The following ENOX1 variants were observed in gnomAD, a reference collection of about 807,000 sequenced individuals.
ENOX1 encodes the protein ecto-NOX disulfide-thiol exchanger 1.
Under a neutral mutation model 82.5 loss-of-function variants are expected in ENOX1, and 42 were observed. The ratio of observed to expected loss-of-function variants is 0.51; its 90% CI spans 0.40 to 0.66. The LOEUF is 0.66. ENOX1 is among the 30% of genes least tolerant of loss of function. The pLI is 0.00. For synonymous variants in ENOX1, 271 were observed against 282.2 expected (o/e 0.96, Z 0.40); for missense variants, 608 against 811.6 (o/e 0.75, Z 3.05).
At chr13:43,743,558 C>T (rs924413205) in intron 1 of ENOX1, among the ~76,000 whole-genome samples, 4 of 152,134 alleles carry the variant, frequency 2.6e-5, no homozygotes, top group African/African-American at 9.7e-5. Flanking sequence ...ACTTGAATAG[C>T]TCATACCACT....
intron 2 of ENOX1, among the ~76,000 whole-genome samples, chr13:43,567,487 C>A (rs959687410): frequency 6.6e-6 from 1 of 151,920 alleles, no homozygotes; most frequent in Non-Finnish European, 1.5e-5. Context: ...AAACTGTTTA[C>A]CAAGAGGAAC....
intron 10 of ENOX1, among the ~76,000 whole-genome samples, chr13:43,324,129 G>T (rs2047969795): frequency 6.6e-6 from 1 of 152,126 alleles, no homozygotes; most frequent in African/African-American, 2.4e-5. Flanking sequence ...ATTGGAGGTG[G>T]GTGTCACATG....
chr13:43,343,819 C>T (rs573546626), intron 9 of ENOX1, among the ~76,000 whole-genome samples: 106 of 152,194 alleles, frequency 7.0e-4, no homozygotes, highest in African/African-American at 2.5e-3. Flanking sequence ...ATGCATGATG[C>T]CACTGTGACA....
intron 9 of ENOX1, among the ~76,000 whole-genome samples, chr13:43,335,270 A>G (rs1266159908): frequency 6.6e-6 from 1 of 152,124 alleles, no homozygotes; most frequent in Non-Finnish European, 1.5e-5. Flanking sequence ...CCCAGGTACA[A>G]TTTTCTTTGG....
intron 2 of ENOX1, among the ~76,000 whole-genome samples, chr13:43,630,860 T>TACACATACACACACAC (rs2083179048): frequency 6.8e-6 from 1 of 147,708 alleles, no homozygotes; most frequent in African/African-American, 2.5e-5. Context: ...TATATATATA[T>TACACATACACACACAC]ACACACACAC....
At chr13:43,608,347 TTG>T (rs1275955147) in intron 2 of ENOX1, among the ~76,000 whole-genome samples, 2 of 152,154 alleles carry the variant, frequency 1.3e-5, no homozygotes, top group Non-Finnish European at 2.9e-5. Flanking sequence ...GTAAAAAACA[TTG>T]TGTTAGATGT....
intron 3 of ENOX1, among the ~76,000 whole-genome samples, chr13:43,425,659 C>A (rs904973706): frequency 1.3e-5 from 2 of 152,158 alleles, no homozygotes; most frequent in African/African-American, 4.8e-5. Context: ...GCACTAGAGG[C>A]ATAAGGTCTA....
intron 2 of ENOX1, among the ~76,000 whole-genome samples, chr13:43,553,897 T>C (rs2079318465): frequency 6.6e-6 from 1 of 152,132 alleles, no homozygotes; most frequent in Admixed American, 6.5e-5. Context: ...ACAGGTGTGT[T>C]GTCACCACGC....
At chr13:43,563,003 C>T (rs758680865) in intron 2 of ENOX1, among the ~76,000 whole-genome samples, 1 of 152,100 alleles carries the variant, frequency 6.6e-6, no homozygotes, top group Admixed American at 6.6e-5. Flanking sequence ...AACAAAGAAA[C>T]ATCAGATTTA....
At chr13:43,480,499 A>C (rs1282779363) in intron 3 of ENOX1, among the ~76,000 whole-genome samples, 1 of 152,238 alleles carries the variant, frequency 6.6e-6, no homozygotes, top group Non-Finnish European at 1.5e-5. Context: ...CCAAAGAGAA[A>C]AAGGATGATT....
chr13:43,376,720 T>C (rs2153571815), intron 5 of ENOX1, among the ~76,000 whole-genome samples: 1 of 152,206 alleles, frequency 6.6e-6, no homozygotes, highest in South Asian at 2.1e-4. Context: ...AGAAATCAGG[T>C]CCTATGAAGC....
intron 12 of ENOX1, among the ~76,000 whole-genome samples, chr13:43,288,497 T>C (rs2045827422): frequency 2.0e-5 from 3 of 152,190 alleles, no homozygotes; most frequent in Admixed American, 2.0e-4. Flanking sequence ...TATTTATTTT[T>C]TGAGCTTTTT....
Position 43,269,479 on chromosome 13 carries a change from C to A in ENOX1, c.1545G>T (p.Leu515=), listed in dbSNP as rs538667016. 2.9e-5 allele frequency: 47 copies of A among 1,613,522 alleles called. No homozygotes were observed. In the South Asian group the frequency reaches 4.9e-4, roughly 17 times the overall value. ...QSHTQALLKV[L]QEQLKGTKEL... is the part of the protein sequence containing the mutation. Reference sequence around the variant, plus strand: ...TGTTTCATTCACTTACTTGTTCCTGCAGGACTTTTAGTAACGCTTGTGTAT... The same window carrying A: ...TGTTTCATTCACTTACTTGTTCCTGAAGGACTTTTAGTAACGCTTGTGTAT... Residue 515 remains leucine (L), a synonymous_variant, in exon 13 of 17, where the codon CTG becomes CTT. Transcript: ENST00000690772.
At chr13:43,557,145 G>C (rs995574832) in intron 2 of ENOX1, among the ~76,000 whole-genome samples, 3 of 152,180 alleles carry the variant, frequency 2.0e-5, no homozygotes, top group African/African-American at 7.2e-5. Flanking sequence ...TCTTAAGGTA[G>C]GAAAGTTTTT....
intron 2 of ENOX1, among the ~76,000 whole-genome samples, chr13:43,500,693 T>C (rs1470164762): frequency 2.0e-5 from 3 of 152,014 alleles, no homozygotes; most frequent in Non-Finnish European, 2.9e-5. Context: ...CATAACAATG[T>C]ATATTGTAAT....
At chr13:43,714,813 C>A (rs1315276178) in intron 1 of ENOX1, among the ~76,000 whole-genome samples, 1 of 152,198 alleles carries the variant, frequency 6.6e-6, no homozygotes, top group Non-Finnish European at 1.5e-5. Flanking sequence ...TGTGTCTCTG[C>A]AAGTGAGATG....
intron 2 of ENOX1, among the ~76,000 whole-genome samples, chr13:43,641,393 C>A (rs541214354): frequency 6.6e-6 from 1 of 152,056 alleles, no homozygotes. Flanking sequence ...CAGTGCTATC[C>A]CTATCTTGAG....
intron 1 of ENOX1, among the ~76,000 whole-genome samples, chr13:43,721,681 A>G (rs2088593560): frequency 6.6e-6 from 1 of 151,970 alleles, no homozygotes; most frequent in Non-Finnish European, 1.5e-5. Flanking sequence ...CCCGGCCTAT[A>G]TTTTATATCT....
intron 16 of ENOX1, among the ~76,000 whole-genome samples, chr13:43,219,966 A>G (rs900020842): frequency 6.6e-6 from 1 of 152,262 alleles, no homozygotes; most frequent in African/African-American, 2.4e-5. Context: ...ATGCACATTT[A>G]AATCTTGTTC....
Sources: allele counts gnomAD v4.1 joint callset (sites outside exome capture counted in the v4.1 genomes callset), GRCh38; gene constraint gnomAD v4.1.1; transcripts MANE v1.5; gene names NCBI Gene and HGNC (gene_info 2026-07-23, HGNC 2026-07-21).